Variants in PRR14L observed in about 807,000 individuals in gnomAD.
PRR14L encodes the protein proline rich 14 like.
PRR14L carries 80 observed loss-of-function variants against 155.0 expected under a neutral mutation model. The ratio of observed to expected loss-of-function variants is 0.52; its 90% CI spans 0.43 to 0.62. The LOEUF is 0.62. Among genes scored for constraint, PRR14L ranks in the 20% least tolerant of loss-of-function variants. The pLI is 0.00. For missense variants in PRR14L, 2,469 were observed against 2,548.0 expected (o/e 0.97, Z 0.67); for synonymous variants, 883 against 916.0 (o/e 0.96, Z 0.65).
intron 7 of PRR14L, 29 bp from the exon 8 acceptor site, chr22:31,688,256 C>T: frequency 6.5e-7 from 1 of 1,544,100 alleles, no homozygotes; most frequent in Non-Finnish European, 8.7e-7. Context: ...AAAAATTCTT[C>T]AGGTTCTCTC....
intron 7 of PRR14L, among the ~76,000 whole-genome samples, chr22:31,697,165 G>A (rs1255990582): frequency 1.3e-5 from 2 of 151,930 alleles, no homozygotes; most frequent in African/African-American, 2.4e-5. Context: ...AGCCAGGCAT[G>A]GTGGCAGGTG....
intron 3 of PRR14L, among the ~76,000 whole-genome samples, chr22:31,719,009 G>A (rs1371877796): frequency 6.6e-6 from 1 of 152,110 alleles, no homozygotes; most frequent in East Asian, 1.9e-4. Flanking sequence ...AGGAGGCGGA[G>A]GTTGCAGTGA....
chr22:31,715,260 C>G lies in PRR14L; in HGVS notation c.2579G>C (p.Gly860Ala). ...SYTSQERELDGKETNGSLPGD... is the reference protein window; with the variant it reads ...SYTSQERELDAKETNGSLPGD... Reference sequence around the variant, plus strand: ...TGGAAGGCTGCCATTCGTTTCTTTCCCATCAAGTTCCCTTTCCTGTGATGT... The same window carrying G: ...TGGAAGGCTGCCATTCGTTTCTTTCGCATCAAGTTCCCTTTCCTGTGATGT... The change falls in exon 4 of 9, where the codon GGG becomes GCG. Residue 860 changes from glycine to alanine, a missense_variant. Around this residue, in one of 2 missense-constraint regions of PRR14L, gnomAD observed 2,363 missense variants for 2,371.6 expected, o/e 1.00. Coordinates refer to ENST00000327423, the MANE Select transcript of PRR14L (RefSeq NM_173566.3). The G allele has an allele frequency of 6.4e-7, 1 of 1,552,266 alleles. No homozygotes were observed. Among genetic ancestry groups the G allele is most frequent in the African/African-American group, 1.4e-5 (1 of 73,170 alleles).
rs148394072 is a variant in PRR14L at position 31,717,177 on chromosome 22, C to T, written c.662G>A (p.Ser221Asn). 130 of 1,552,294 alleles carry T rather than the reference C, an allele frequency of 8.4e-5. 1 individual carries two copies. The East Asian group carries it at 3.0e-3, about 36-fold the overall frequency. The change falls in exon 4 of 9, where the codon AGT becomes AAT. Residue 221 changes from serine to asparagine, a missense_variant. By Grantham distance (46) the Ser-to-Asn change is conservative (BLOSUM62 1). Transcript: ENST00000327423. The stretch of plus-strand genomic sequence containing the variant: ...ACCGCATCCAGCTGAGAGATCTTTA[C>T]TCACATTGCCATTTTTGTGTCCTTC... Reference protein sequence around the residue: ...NNEGHKNGNVSKDLSAGCGEF... With the variant: ...NNEGHKNGNVNKDLSAGCGEF...
chr22:31,725,262 C>T (rs1172437831), intron 3 of PRR14L, among the ~76,000 whole-genome samples: 2 of 152,046 alleles, frequency 1.3e-5, no homozygotes, highest in Admixed American at 6.6e-5. Context: ...CAAAATCAGT[C>T]AGGCATGGTG....
rs1440277205 is a variant in PRR14L at position 31,713,081 on chromosome 22, C to T, written c.4758G>A (p.Leu1586=). The change falls in exon 4 of 9, where the codon TTG becomes TTA. Residue 1586 remains leucine, a synonymous_variant. Transcript: ENST00000327423. ...LEPETAPTKS[L]VSHIPKQMST... is the part of the protein sequence containing the mutation. ...ACATCTGCTTTGGTATGTGACTAAC[C>T]AAGCTCTTGGTAGGTGCTGTTTCAG... 10 of 1,552,178 alleles carry T rather than the reference C, an allele frequency of 6.4e-6. No homozygotes were observed. The highest frequency in any genetic ancestry group is 8.7e-6 in the Non-Finnish European group (10 of 1,147,142).
At chr22:31,744,671 C>G (rs2074828585) in intron 1 of PRR14L, among the ~76,000 whole-genome samples, 1 of 152,316 alleles carries the variant, frequency 6.6e-6, no homozygotes, top group East Asian at 1.9e-4. Flanking sequence ...CTGACTTCCC[C>G]TCACCATTCA....
intron 4 of PRR14L, among the ~76,000 whole-genome samples, chr22:31,711,823 T>A (rs1468635103): frequency 1.4e-5 from 2 of 145,130 alleles, no homozygotes; most frequent in Non-Finnish European, 3.0e-5. Flanking sequence ...GATTTGATGG[T>A]TTGAAGAATG....
chr22:31,688,701 T>G (rs1043612186), intron 7 of PRR14L, among the ~76,000 whole-genome samples: 1 of 152,172 alleles, frequency 6.6e-6, no homozygotes. Flanking sequence ...ACAGCTGTTG[T>G]TTGTGCTGCT....
intron 4 of PRR14L, among the ~76,000 whole-genome samples, chr22:31,708,099 A>T (rs1012877025): frequency 1.3e-5 from 2 of 151,866 alleles, no homozygotes; most frequent in Admixed American, 6.6e-5. Flanking sequence ...CGGTGAGCTG[A>T]GATTGCACCA....
In PRR14L at chr22:31,716,682, TC is replaced by T; in HGVS notation, c.1156del (p.Asp386MetfsTer18). 2.6e-6 allele frequency: 4 copies of T among 1,551,878 alleles called. No homozygotes were observed. The highest frequency in any genetic ancestry group is 2.6e-6 in the Non-Finnish European group (3 of 1,147,040). ...KTDSSYFYRG[D>X]DQGKNLASRE... Reference sequence around the variant, plus strand: ...AGAAGCCAAGTTCTTCCCTTGATCATCCCCCCTATAAAAATAAGAACTGTCT... The same window carrying T: ...AGAAGCCAAGTTCTTCCCTTGATCATCCCCCTATAAAAATAAGAACTGTCT... On this transcript the variant is annotated frameshift_variant, in exon 4 of 9. Coordinates refer to ENST00000327423, the MANE Select transcript of PRR14L (RefSeq NM_173566.3). LOFTEE classifies it high-confidence loss of function.
intron 7 of PRR14L, among the ~76,000 whole-genome samples, chr22:31,692,849 G>A (rs562672244): frequency 5.1e-4 from 78 of 151,978 alleles, no homozygotes; most frequent in African/African-American, 1.6e-3. Flanking sequence ...CATGCTGCCC[G>A]GGCTGGCCTT....
Position 31,688,251 on chromosome 22 carries a change from T to C in PRR14L, c.6108-24A>G, listed in dbSNP as rs747953538. ...ACCTGAAAAGAAATAAGGAAAAAAATTCTTCAGGTTCTCTCTCTCTTTTTT... is the reference window on the plus strand; with the variant it reads ...ACCTGAAAAGAAATAAGGAAAAAAACTCTTCAGGTTCTCTCTCTCTTTTTT... On this transcript the variant is annotated intron_variant, in intron 7 of 8. Coordinates refer to ENST00000327423, the MANE Select transcript of PRR14L (RefSeq NM_173566.3). The C allele has an allele frequency of 9.0e-6, 14 of 1,551,182 alleles. No individual in the cohort carries two copies. In the South Asian group the frequency reaches 1.5e-4, roughly 16 times the overall value.
rs955744522 is a variant in PRR14L at position 31,682,129 on chromosome 22, C to T, written c.*3398G>A. 2 of 152,188 alleles carry T rather than the reference C, an allele frequency of 1.3e-5. No homozygotes were observed. The highest frequency in any genetic ancestry group is 1.9e-4 in the East Asian group (1 of 5,190). 9.4% of individuals were successfully genotyped at this position (152,188 alleles called of 1,614,324 possible). A position where few individuals can be genotyped will look rare whatever the true frequency, so the allele number is the denominator to read the frequency against. On this transcript the variant is annotated 3_prime_UTR_variant, in exon 9 of 9. Coordinates refer to ENST00000327423, the MANE Select transcript of PRR14L (RefSeq NM_173566.3). Reference sequence around the variant, plus strand: ...ACGGCCGTGCATTCATTGGCTGCACCGCGGCCTTGGATCTGCTGCTCCCGT... The same window carrying T: ...ACGGCCGTGCATTCATTGGCTGCACTGCGGCCTTGGATCTGCTGCTCCCGT...
At chr22:31,733,832 T>A (rs1271214443) in intron 2 of PRR14L, among the ~76,000 whole-genome samples, 1 of 152,036 alleles carries the variant, frequency 6.6e-6, no homozygotes, top group East Asian at 1.9e-4. Context: ...GGGAAAAAAG[T>A]GGTATCTCTG....
At chr22:31,722,832 G>T (rs1463023239) in intron 3 of PRR14L, among the ~76,000 whole-genome samples, 1 of 152,050 alleles carries the variant, frequency 6.6e-6, no homozygotes, top group Non-Finnish European at 1.5e-5. Context: ...GCGCCCAGCC[G>T]GCATCATTCA....
intron 8 of PRR14L, among the ~76,000 whole-genome samples, chr22:31,686,942 C>T (rs992907167): frequency 6.6e-6 from 1 of 152,132 alleles, no homozygotes; most frequent in Non-Finnish European, 1.5e-5. Flanking sequence ...TCCTGTATTT[C>T]GGTTTACAAT....
intron 2 of PRR14L, 31 bp from the exon 3 acceptor site, chr22:31,725,641 G>A (rs1336013511): frequency 2.4e-6 from 3 of 1,230,152 alleles, no homozygotes; most frequent in Non-Finnish European, 3.5e-6. Flanking sequence ...GGTCAAGGGG[G>A]ATTCAGAAGA....
At chr22:31,704,779 G>C (rs977405623) in intron 4 of PRR14L, 53 bp from the exon 5 acceptor site, 1 of 1,394,098 alleles carries the variant, frequency 7.2e-7, no homozygotes, top group Non-Finnish European at 1.0e-6. Context: ...GGGATAACAG[G>C]AAAGGTTTTG....
Sources: gnomAD v4.1 joint callset for allele counts (sites outside exome capture counted in the v4.1 genomes callset) on GRCh38, gnomAD v4.1.1 for gene constraint, gnomAD v4.1.1 regional missense constraint, MANE v1.5 for transcripts, NCBI Gene and HGNC (gene_info 2026-07-23, HGNC 2026-07-21) for gene names.